ITGA9: variants seen among roughly 807,000 people sequenced by gnomAD.
The protein encoded by ITGA9 is integrin subunit alpha 9.
ITGA9 carries 56 observed loss-of-function variants against 127.8 expected under a neutral mutation model. The observed-to-expected ratio is 0.44, with a 90% CI of 0.35 to 0.55. The LOEUF is 0.55. Among genes scored for constraint, ITGA9 ranks in the 20% least tolerant of loss-of-function variants. The probability of loss-of-function intolerance (pLI) is 0.00; values close to 1 mark genes in which losing one functional copy is unlikely to be tolerated. For synonymous variants in ITGA9, 508 were observed against 514.5 expected (o/e 0.99, Z 0.17); for missense variants, 1,196 against 1,347.1 (o/e 0.89, Z 1.76).
chr3:37,782,336 A>G lies in ITGA9; in HGVS notation c.2787+2315A>G, dbSNP rs1016471667. 2.6e-5 allele frequency among the ~76,000 whole-genome samples: 4 copies of G among 152,154 alleles called. No individual in the cohort carries two copies. The East Asian group carries it at 7.7e-4, about 29-fold the overall frequency. On this transcript the variant is annotated intron_variant, in intron 25 of 27. Transcript: ENST00000264741. ...CTTGCACTTCAGTTATTTGCACTTAATCATGCACAGCTCTGCAGCCTGGTT... is the reference window on the plus strand; with the variant it reads ...CTTGCACTTCAGTTATTTGCACTTAGTCATGCACAGCTCTGCAGCCTGGTT...
chr3:37,675,619 A>T (rs1410961465), intron 17 of ITGA9, among the ~76,000 whole-genome samples: 2 of 152,148 alleles, frequency 1.3e-5, no homozygotes, highest in Non-Finnish European at 2.9e-5. Flanking sequence ...ACTCAAAATT[A>T]CTTGGTGAGA....
At chr3:37,467,940 A>G (rs1698388781) in intron 1 of ITGA9, among the ~76,000 whole-genome samples, 1 of 152,246 alleles carries the variant, frequency 6.6e-6, no homozygotes, top group East Asian at 1.9e-4. Flanking sequence ...CAGCCGCTAC[A>G]GCAAGGGGGA....
At chr3:37,721,286 T>C (rs1701187866) in intron 18 of ITGA9, among the ~76,000 whole-genome samples, 1 of 152,050 alleles carries the variant, frequency 6.6e-6, no homozygotes, top group Non-Finnish European at 1.5e-5. Context: ...CTCTGGCTAA[T>C]TTTTATTTTT....
At chr3:37,566,916 A>T (rs1280913251) in intron 15 of ITGA9, among the ~76,000 whole-genome samples, 1 of 152,192 alleles carries the variant, frequency 6.6e-6, no homozygotes, top group Admixed American at 6.5e-5. Context: ...GCTGACATTG[A>T]TTACACTATG....
At chr3:37,691,828 G>A (rs759864643) in intron 18 of ITGA9, among the ~76,000 whole-genome samples, 18 of 152,164 alleles carry the variant, frequency 1.2e-4, no homozygotes, top group Non-Finnish European at 2.2e-4. Flanking sequence ...AGGGTCAACC[G>A]GAATGTAGTG....
chr3:37,556,169 TG>T (rs2125597196), intron 15 of ITGA9, among the ~76,000 whole-genome samples: 1 of 152,334 alleles, frequency 6.6e-6, no homozygotes, highest in African/African-American at 2.4e-5. Context: ...GGTCTTGCTC[TG>T]ATCAACCACA....
rs576424121 is a variant in ITGA9, at chr3:37,596,715, G to T, written c.1690-32472G>T. Among the ~76,000 whole-genome samples the T allele has an allele frequency of 1.5e-3, 224 of 152,244 alleles. 4 individuals are homozygous for T. The highest frequency in any genetic ancestry group is 5.2e-3 in the African/African-American group (218 of 41,552). On this transcript the variant is annotated intron_variant, in intron 15 of 27. Transcript: ENST00000264741. Reference sequence around the variant, plus strand: ...TGGGACCATACCCAAAACACAAGGGGTCTGGGGCCAGCGGAGGAGACCTTG... The same window carrying T: ...TGGGACCATACCCAAAACACAAGGGTTCTGGGGCCAGCGGAGGAGACCTTG...
chr3:37,714,892 A>G (rs1286041714), intron 18 of ITGA9, among the ~76,000 whole-genome samples: 1 of 152,206 alleles, frequency 6.6e-6, no homozygotes, highest in East Asian at 1.9e-4. Flanking sequence ...GAATACGGGC[A>G]TCTGTGAGGC....
chr3:37,710,648 G>C (rs1701069493), intron 18 of ITGA9, among the ~76,000 whole-genome samples: 1 of 152,088 alleles, frequency 6.6e-6, no homozygotes, highest in Non-Finnish European at 1.5e-5. Context: ...TATCAGACTG[G>C]GATCCTTTAG....
chr3:37,747,394 C>A (rs1696514250), intron 22 of ITGA9, among the ~76,000 whole-genome samples: 1 of 152,182 alleles, frequency 6.6e-6, no homozygotes, highest in Non-Finnish European at 1.5e-5. Context: ...GTGTTTCAGA[C>A]AATCCAATTA....
intron 13 of ITGA9, among the ~76,000 whole-genome samples, chr3:37,527,573 A>G (rs1045382711): frequency 2.6e-5 from 4 of 152,180 alleles, no homozygotes; most frequent in African/African-American, 7.2e-5. Flanking sequence ...CTGGATTTTC[A>G]CTTTCTTTAT....
At chr3:37,530,016 G>A in intron 13 of ITGA9, among the ~76,000 whole-genome samples, 1 of 152,254 alleles carries the variant, frequency 6.6e-6, no homozygotes, top group East Asian at 1.9e-4. Flanking sequence ...TGAGGATGAA[G>A]CAGAGGGTGA....
intron 15 of ITGA9, among the ~76,000 whole-genome samples, chr3:37,563,080 G>A (rs1699510010): frequency 6.6e-6 from 1 of 152,128 alleles, no homozygotes; most frequent in Non-Finnish European, 1.5e-5. Context: ...GTTAGGAGAA[G>A]CTGGAGTATT....
chr3:37,645,401 C>T (rs968500257), intron 16 of ITGA9, among the ~76,000 whole-genome samples: 12 of 152,148 alleles, frequency 7.9e-5, no homozygotes, highest in African/African-American at 1.9e-4. Context: ...AACCCCATCT[C>T]TACTAAAAAC....
Position 37,506,098 on chromosome 3 carries a change from A to G in ITGA9, c.828+13A>G. On this transcript the variant is annotated intron_variant, in intron 7 of 27. Coordinates refer to ENST00000264741, the MANE Select transcript of ITGA9 (RefSeq NM_002207.3). ...AGGCATCGGCAAGGTGAGGAGAAAC[A>G]TCTGTGGAATAGCTGGGGTCAGACA... 6.3e-7 allele frequency: 1 copy of G among 1,575,642 alleles called. No individual in the cohort carries two copies. Among genetic ancestry groups the G allele is most frequent in the Non-Finnish European group, 8.7e-7 (1 of 1,149,970 alleles).
intron 15 of ITGA9, among the ~76,000 whole-genome samples, chr3:37,600,489 C>G (rs1490807539): frequency 6.6e-6 from 1 of 152,178 alleles, no homozygotes; most frequent in Non-Finnish European, 1.5e-5. Context: ...TTCTTCCAAG[C>G]AGGCCCGGAG....
At chr3:37,603,116 A>G (rs1300084259) in intron 15 of ITGA9, among the ~76,000 whole-genome samples, 1 of 152,156 alleles carries the variant, frequency 6.6e-6, no homozygotes, top group African/African-American at 2.4e-5. Flanking sequence ...AGAATCATGT[A>G]TTTCAGCCAC....
chr3:37,580,394 C>T (rs1353220658), intron 15 of ITGA9, among the ~76,000 whole-genome samples: 2 of 152,234 alleles, frequency 1.3e-5, no homozygotes, highest in Non-Finnish European at 2.9e-5. Context: ...CCAGACTTCT[C>T]AGTCGGAAAG....
At chr3:37,645,293 G>A (rs1700366499) in intron 16 of ITGA9, among the ~76,000 whole-genome samples, 2 of 152,194 alleles carry the variant, frequency 1.3e-5, no homozygotes. Flanking sequence ...GCTAGGCCAG[G>A]CACGGTGGCT....
Sources: allele counts gnomAD v4.1 joint callset (sites outside exome capture counted in the v4.1 genomes callset), GRCh38; gene constraint gnomAD v4.1.1; transcripts MANE v1.5; gene names NCBI Gene and HGNC (gene_info 2026-07-23, HGNC 2026-07-21).